Variants in KLK13 observed in about 807,000 individuals in gnomAD.
The protein encoded by KLK13 is kallikrein-13.
Under a neutral mutation model 22.4 loss-of-function variants are expected in KLK13, and 19 were observed. The ratio of observed to expected loss-of-function variants is 0.85; its 90% CI spans 0.59 to 1.24. The LOEUF (loss-of-function observed/expected upper bound fraction) is 1.24. Ranked by LOEUF, KLK13 falls within the 50% of genes most tolerant of loss-of-function variation. KLK13 has a pLI of 0.00. For missense variants in KLK13, 311 were observed against 347.9 expected, an observed-to-expected ratio of 0.89 and a Z score of 0.84; for synonymous variants, 156 against 141.8, an observed-to-expected ratio of 1.10 and a Z score of -0.71.
Position 51,056,597 on chromosome 19 carries a change from C to A in KLK13, c.824G>T (p.Gly275Val), listed in dbSNP as rs1270336770. 5 of 1,614,112 alleles carry A rather than the reference C, an allele frequency of 3.1e-6. No individual in the cohort carries two copies. Among genetic ancestry groups the A allele is most frequent in the Non-Finnish European group, 4.2e-6 (5 of 1,180,000 alleles). ...YETQQQKWLK[G>V]PQ ...TACATTTCTCAACTTTTATTGTGGGCCCTTCAACCATTTTTGCTGCTGGGT... is the reference window on the plus strand; with the variant it reads ...TACATTTCTCAACTTTTATTGTGGGACCTTCAACCATTTTTGCTGCTGGGT... Residue 275 changes from glycine (G) to valine (V), a missense_variant, in exon 5 of 5, where the codon GGC becomes GTC. Transcript: ENST00000595793.
chr19:51,058,928 G>A (rs922484835), intron 3 of KLK13, among the ~76,000 whole-genome samples: 1 of 152,036 alleles, frequency 6.6e-6, no homozygotes, highest in African/African-American at 2.4e-5. Context: ...ACAAGAGAAT[G>A]GAAGGTTGAT....
chr19:51,065,078 T>TAGGGGTTGGG lies in KLK13; in HGVS notation c.-12_-11insCCCAACCCCT. The TAGGGGTTGGG allele has an allele frequency of 1.9e-6, 1 of 532,870 alleles. No homozygotes were observed. The highest frequency in any genetic ancestry group is 3.3e-6 in the Non-Finnish European group (1 of 302,032). 33.0% of individuals were successfully genotyped at this position (532,870 alleles called of 1,614,324 possible). A position where few individuals can be genotyped will look rare whatever the true frequency, so the allele number is the denominator to read the frequency against. On this transcript the variant is annotated 5_prime_UTR_variant, in exon 1 of 5. Transcript: ENST00000595793. The stretch of plus-strand genomic sequence containing the variant: ...GGCCAGGGGCCACATGGCTCCGGGA[T>TAGGGGTTGGG]CGGGAGGGGAGGGCAGGGCGGGCGG...
intron 1 of KLK13, chr19:51,064,560 C>A (rs746316046): frequency 2.0e-6 from 1 of 490,814 alleles, no homozygotes; most frequent in Admixed American, 2.1e-5. Flanking sequence ...CTTTCAAGTC[C>A]CTTCTACCTG....
rs541222137 is a variant in KLK13, at chr19:51,064,948, C to A, written c.52+68G>T. On this transcript the variant is annotated intron_variant, in intron 1 of 4. Coordinates refer to ENST00000595793, the MANE Select transcript of KLK13 (RefSeq NM_015596.3). ...GCTCGCGGCTCCCACGCCCCCTCCC[C>A]CTCCGGCCTGACCCCTCCTACCATT... 1.1e-4 allele frequency: 159 copies of A among 1,394,144 alleles called. 2 individuals carry two copies. The South Asian group carries it at 2.1e-3, about 18-fold the overall frequency. 86.4% of individuals were successfully genotyped at this position (1,394,144 alleles called of 1,614,324 possible).
At chr19:51,060,720 T>TG (rs2091722781) in intron 1 of KLK13, 101 bp from the exon 2 acceptor site, 3 of 883,614 alleles carry the variant, frequency 3.4e-6, no homozygotes, top group East Asian at 4.9e-5. Flanking sequence ...ATTATTGCCC[T>TG]GGGTGACCAG....
chr19:51,061,632 C>T (rs1051622028), intron 1 of KLK13, among the ~76,000 whole-genome samples: 1 of 152,362 alleles, frequency 6.6e-6, no homozygotes, highest in Non-Finnish European at 1.5e-5. Flanking sequence ...CCATCTTGGT[C>T]CATGCCCCAT....
At position 51,063,117 on chromosome 19, in the gene KLK13, C is replaced by G. The variant is rs1013454307; in HGVS notation, c.52+1899G>C. On this transcript the variant is annotated intron_variant, in intron 1 of 4. Transcript: ENST00000595793. Reference sequence around the variant, plus strand: ...ACCTCCCTAATCCTCACTGAGCTCACTTTTCAAAGCCAGGAGGACACAGAA... The same window carrying G: ...ACCTCCCTAATCCTCACTGAGCTCAGTTTTCAAAGCCAGGAGGACACAGAA... 2.6e-5 allele frequency among the ~76,000 whole-genome samples: 4 copies of G among 152,180 alleles called. No homozygotes were observed. In the East Asian group the frequency reaches 7.7e-4, roughly 29 times the overall value.
chr19:51,058,554 C>G lies in KLK13; in HGVS notation c.629G>C (p.Gly210Ala). ...NMLCAGTKEG[G>A]KDSCEGDSGG... is the part of the protein sequence containing the mutation. ...CGGCCTCACCTCACAGGAGTCTTTG[C>G]CACCCTCTTTTGTGCCGGCACACAA... The change falls in exon 4 of 5, where the codon GGC becomes GCC. Residue 210 changes from glycine to alanine, a missense_variant. Transcript: ENST00000595793. 5 of 1,614,164 alleles carry G rather than the reference C, an allele frequency of 3.1e-6. No individual in the cohort carries two copies. Among genetic ancestry groups the G allele is most frequent in the Non-Finnish European group, 4.2e-6 (5 of 1,180,028 alleles).
chr19:51,062,908 A>G (rs2091743346), intron 1 of KLK13, among the ~76,000 whole-genome samples: 1 of 152,180 alleles, frequency 6.6e-6, no homozygotes. Context: ...CAGTTGGATT[A>G]GCTCAGTGGT....
chr19:51,056,018 T>G lies in KLK13; in HGVS notation c.*569A>C, dbSNP rs550409537. ...CCATAACAGTGTGAGAATGAAATAT[T>G]CTGAGGATCCAATGTTAGCTGTGGT... On this transcript the variant is annotated 3_prime_UTR_variant, in exon 5 of 5. Transcript: ENST00000595793. Among the ~76,000 whole-genome samples, 5 of 152,252 alleles carry G rather than the reference T, an allele frequency of 3.3e-5. No individual in the cohort carries two copies. Among genetic ancestry groups the G allele is most frequent in the South Asian group, 2.1e-4 (1 of 4,824 alleles).
chr19:51,057,336 A>C (rs2091685083), intron 4 of KLK13, among the ~76,000 whole-genome samples: 1 of 152,120 alleles, frequency 6.6e-6, no homozygotes, highest in African/African-American at 2.4e-5. Flanking sequence ...CACTGAATCC[A>C]ATCTCAACTT....
At chr19:51,059,097 G>A (rs1275047494) in intron 3 of KLK13, among the ~76,000 whole-genome samples, 1 of 152,004 alleles carries the variant, frequency 6.6e-6, no homozygotes, top group Non-Finnish European at 1.5e-5. Flanking sequence ...GAGAGACAGG[G>A]CATGTTGAGG....
At chr19:51,061,745 A>AT (rs2091733243) in intron 1 of KLK13, among the ~76,000 whole-genome samples, 2 of 152,240 alleles carry the variant, frequency 1.3e-5, no homozygotes, top group African/African-American at 4.8e-5. Context: ...TCAAACAAAG[A>AT]AAGTCAGATG....
intron 4 of KLK13, among the ~76,000 whole-genome samples, chr19:51,058,110 T>G (rs2091692291): frequency 6.6e-6 from 1 of 152,028 alleles, no homozygotes; most frequent in Non-Finnish European, 1.5e-5. Flanking sequence ...TAACCGAGAA[T>G]GAAGCCAAAA....
chr19:51,061,220 TC>T (rs1299548874), intron 1 of KLK13, among the ~76,000 whole-genome samples: 5 of 147,392 alleles, frequency 3.4e-5, no homozygotes, highest in African/African-American at 1.2e-4. Flanking sequence ...CATCCATCCA[TC>T]CATCCATCCA....
In KLK13 at chr19:51,056,540, T is replaced by G; in HGVS notation, c.*47A>C. 2 of 1,558,058 alleles carry G rather than the reference T, an allele frequency of 1.3e-6. No individual in the cohort carries two copies. Among genetic ancestry groups the G allele is most frequent in the Non-Finnish European group, 1.8e-6 (2 of 1,131,458 alleles). The stretch of plus-strand genomic sequence containing the variant: ...GCAGAGAAGGGCTAAGCAGACCATG[T>G]GAGGAAGTCATGGTGACAGGATGGA... On this transcript the variant is annotated 3_prime_UTR_variant, in exon 5 of 5. Transcript: ENST00000595793.
At chr19:51,063,831 G>T (rs1276652357) in intron 1 of KLK13, 3 of 465,570 alleles carry the variant, frequency 6.4e-6, no homozygotes. Context: ...TACATCTCTA[G>T]GCCCCTGGCT....
chr19:51,062,545 A>G (rs2091739871), intron 1 of KLK13, among the ~76,000 whole-genome samples: 1 of 152,090 alleles, frequency 6.6e-6, no homozygotes, highest in South Asian at 2.1e-4. Context: ...CTGGCACACA[A>G]TGGGGGCTCA....
intron 1 of KLK13, 115 bp downstream of exon 1, chr19:51,064,895 ACCCGGC>A (rs1207906214): frequency 6.3e-6 from 5 of 795,768 alleles, no homozygotes; most frequent in Non-Finnish European, 9.9e-6. Flanking sequence ...TCCCCACTGG[ACCCGGC>A]CCCGAGTGGG....
Sources: gnomAD v4.1 joint callset for allele counts (sites outside exome capture counted in the v4.1 genomes callset) on GRCh38, gnomAD v4.1.1 for gene constraint, MANE v1.5 for transcripts, NCBI Gene and HGNC (gene_info 2026-07-23, HGNC 2026-07-21) for gene names.